The following PLCG2 variants were observed in gnomAD, a reference collection of about 807,000 sequenced individuals.
PLCG2 encodes 1-phosphatidylinositol 4,5-bisphosphate phosphodiesterase gamma-2.
PLCG2 carries 69 observed loss-of-function variants against 175.6 expected under a neutral mutation model. That is an observed-to-expected ratio of 0.39 (90% CI 0.32 to 0.48). The LOEUF (loss-of-function observed/expected upper bound fraction) is 0.48. Among genes scored for constraint, PLCG2 ranks in the 20% least tolerant of loss-of-function variants. The probability of loss-of-function intolerance (pLI) is 0.91; values close to 1 mark genes in which losing one functional copy is unlikely to be tolerated. For synonymous variants in PLCG2, 827 were observed against 624.0 expected (o/e 1.33, Z -4.85); for missense variants, 1,798 against 1,650.9 (o/e 1.09, Z -1.54).
chr16:81,863,365 G>A (rs1184544389), intron 5 of PLCG2, among the ~76,000 whole-genome samples: 1 of 152,226 alleles, frequency 6.6e-6, no homozygotes, highest in East Asian at 1.9e-4. Flanking sequence ...CTGTGTTGTA[G>A]CATGTGTTAG....
chr16:81,767,846 A>T (rs1396680569), intron 2 of PLCG2: 1 of 152,186 alleles, frequency 6.6e-6, no homozygotes, highest in Non-Finnish European at 1.5e-5. Flanking sequence ...TCATATATAA[A>T]ATCACGCTGT....
intron 1 of PLCG2, among the ~76,000 whole-genome samples, chr16:81,780,488 T>G (rs543006404): frequency 6.6e-6 from 1 of 152,320 alleles, no homozygotes; most frequent in Admixed American, 6.5e-5. Context: ...TTTTGAAGTC[T>G]ATGCCAGCCT....
chr16:81,888,368 G>A (rs1190762024), intron 9 of PLCG2, among the ~76,000 whole-genome samples: 1 of 147,096 alleles, frequency 6.8e-6, no homozygotes. Context: ...CTGCCACCAC[G>A]CCAAGCTGAT....
chr16:81,803,599 CTTTTCT>C (rs1911850323), intron 2 of PLCG2, among the ~76,000 whole-genome samples: 1 of 57,580 alleles, frequency 1.7e-5, no homozygotes, highest in Admixed American at 2.2e-4. Context: ...TTCTTTTCTC[CTTTTCT>C]TTTCTTTTCT....
At chr16:81,810,124 T>C (rs529154017) in intron 2 of PLCG2, among the ~76,000 whole-genome samples, 2 of 152,220 alleles carry the variant, frequency 1.3e-5, no homozygotes, top group African/African-American at 4.8e-5. Context: ...CCTGAGTAGG[T>C]GGGACTACAG....
chr16:81,827,978 T>A (rs1453746925), intron 2 of PLCG2, among the ~76,000 whole-genome samples: 1 of 150,542 alleles, frequency 6.6e-6, no homozygotes, highest in Admixed American at 6.6e-5. Context: ...TAATCCCAGC[T>A]CTTTGAGAGG....
upstream of PLCG2, among the ~76,000 whole-genome samples, chr16:81,778,365 G>C (rs1276568414): frequency 6.6e-6 from 1 of 152,080 alleles, no homozygotes. Context: ...GTGAGACCCT[G>C]CCTCTTAGAA....
At chr16:81,845,636 G>T (rs866350916) in intron 2 of PLCG2, among the ~76,000 whole-genome samples, 1 of 152,208 alleles carries the variant, frequency 6.6e-6, no homozygotes, top group Non-Finnish European at 1.5e-5. Context: ...TCCCAGCCTC[G>T]GGTCAGAAAG....
intron 2 of PLCG2, among the ~76,000 whole-genome samples, chr16:81,814,684 G>T (rs1904460934): frequency 1.3e-5 from 2 of 151,916 alleles, no homozygotes; most frequent in African/African-American, 4.8e-5. Flanking sequence ...AACAGTACGA[G>T]ACTCTGTCTC....
intron 1 of PLCG2, among the ~76,000 whole-genome samples, chr16:81,750,663 ATTTTTTTTT>A (rs543220131): frequency 1.5e-5 from 1 of 68,446 alleles, no homozygotes; most frequent in Non-Finnish European, 2.6e-5. Context: ...GGGACTGGAG[ATTTTTTTTT>A]TTTTTTTTTT....
upstream of PLCG2, among the ~76,000 whole-genome samples, chr16:81,778,028 A>AC (rs1325807074): frequency 6.3e-5 from 4 of 63,680 alleles, no homozygotes; most frequent in East Asian, 1.3e-3. Context: ...AAAAAAAAAA[A>AC]AAACAAAAAA....
chr16:81,777,111 G>A (rs1306316745), upstream of PLCG2, among the ~76,000 whole-genome samples: 1 of 96,418 alleles, frequency 1.0e-5, no homozygotes, highest in African/African-American at 4.5e-5. Flanking sequence ...AGGCTCACAG[G>A]CATAGATTAA....
upstream of PLCG2, among the ~76,000 whole-genome samples, chr16:81,778,603 G>A (rs755231725): frequency 6.6e-6 from 1 of 152,110 alleles, no homozygotes; most frequent in East Asian, 1.9e-4. Context: ...CAATTGTCTG[G>A]GGTTCTTTGC....
In PLCG2 at chr16:81,850,745, A is replaced by C. The variant is rs368998879; in HGVS notation, c.194-3699A>C. 5.9e-5 allele frequency among the ~76,000 whole-genome samples: 9 copies of C among 152,172 alleles called. 1 individual carries two copies. The South Asian group carries it at 1.9e-3, about 32-fold the overall frequency. Reference sequence around the variant, plus strand: ...ACCTGCACAGTGTAACAGCATAGAGAGCTTCTTCCTGTGTTGCATATCTCA... The same window carrying C: ...ACCTGCACAGTGTAACAGCATAGAGCGCTTCTTCCTGTGTTGCATATCTCA... On this transcript the variant is annotated intron_variant, in intron 2 of 32. Transcript: ENST00000564138.
At chr16:81,767,332 A>G (rs1266594495) in intron 2 of PLCG2, 6 of 151,810 alleles carry the variant, frequency 4.0e-5, no homozygotes, top group African/African-American at 1.5e-4. Flanking sequence ...TTTAATAGAG[A>G]TGGGGTTTCA....
intron 2 of PLCG2, among the ~76,000 whole-genome samples, chr16:81,761,976 C>A (rs1910051127): frequency 6.6e-6 from 1 of 151,746 alleles, no homozygotes; most frequent in Admixed American, 6.6e-5. Context: ...GGACTACAGG[C>A]ATGCACCACC....
intron 2 of PLCG2, among the ~76,000 whole-genome samples, chr16:81,816,579 A>G (rs2143316119): frequency 6.6e-6 from 1 of 150,436 alleles, no homozygotes; most frequent in Non-Finnish European, 1.5e-5. Flanking sequence ...CCTGGGCTCA[A>G]ATGATCCTCC....
chr16:81,954,265 C>T (rs1247685603), intron 31 of PLCG2, among the ~76,000 whole-genome samples: 1 of 152,196 alleles, frequency 6.6e-6, no homozygotes, highest in African/African-American at 2.4e-5. Context: ...AAGCAATCCT[C>T]CCACCTCAGC....
At chr16:81,916,358 C>G (rs558577052) in intron 19 of PLCG2, among the ~76,000 whole-genome samples, 1 of 152,008 alleles carries the variant, frequency 6.6e-6, no homozygotes, top group East Asian at 1.9e-4. Flanking sequence ...AAAAGTCTCT[C>G]TATAGTGCAA....
Sources: allele counts gnomAD v4.1 joint callset (sites outside exome capture counted in the v4.1 genomes callset), GRCh38; gene constraint gnomAD v4.1.1; transcripts MANE v1.5; gene names NCBI Gene and HGNC (gene_info 2026-07-23, HGNC 2026-07-21).